Variants in EPN3 observed in about 807,000 individuals in gnomAD.
EPN3 encodes epsin 3.
Under a neutral mutation model 55.5 loss-of-function variants are expected in EPN3, and 56 were observed. The observed-to-expected ratio is 1.01, with a 90% CI of 0.81 to 1.26. EPN3 has a LOEUF of 1.26. EPN3 is among the 50% of genes most tolerant of loss of function. The probability of loss-of-function intolerance (pLI) is 0.00; values close to 1 mark genes in which losing one functional copy is unlikely to be tolerated. For synonymous variants in EPN3, 449 were observed against 375.2 expected, an observed-to-expected ratio of 1.20 and a Z score of -2.27; for missense variants, 927 against 853.4, an observed-to-expected ratio of 1.09 and a Z score of -1.07.
In EPN3 at chr17:50,540,238, C is replaced by T. The variant is rs371813154; in HGVS notation, c.892-9C>T. Reference sequence around the variant, plus strand: ...ACTTCTGAGCCGCGGCTGCCTCTCCCCTCCACAGTCCTCCATCCTGGACTT... The same window carrying T: ...ACTTCTGAGCCGCGGCTGCCTCTCCTCTCCACAGTCCTCCATCCTGGACTT... On this transcript the variant is annotated splice_polypyrimidine_tract_variant and intron_variant, in intron 5 of 9. Coordinates refer to ENST00000268933, the MANE Select transcript of EPN3 (RefSeq NM_017957.3). The T allele has an allele frequency of 1.9e-6, 3 of 1,611,164 alleles. No individual in the cohort carries two copies. The African/African-American group carries it at 4.0e-5, about 22-fold the overall frequency.
chr17:50,540,478 G>A (rs1170038969), intron 6 of EPN3, 144 bp downstream of exon 6: 2 of 769,012 alleles, frequency 2.6e-6, no homozygotes, highest in Non-Finnish European at 4.1e-6. Context: ...GCCGCCTGTG[G>A]GACAGGCTTT....
Position 50,541,859 on chromosome 17 carries a change from C to A in EPN3, c.1601C>A (p.Ser534Tyr), listed in dbSNP as rs1438606722. 4 of 1,609,520 alleles carry A rather than the reference C, an allele frequency of 2.5e-6. No homozygotes were observed. In the African/African-American group the frequency reaches 5.3e-5, roughly 21 times the overall value. ...NPFLTGLSAPSPTNPFGAGEP... is the reference protein window; with the variant it reads ...NPFLTGLSAPYPTNPFGAGEP... ...CGTTCTGCAGGTCTCAGCGCTCCGT[C>A]CCCCACCAACCCGTTCGGCGCGGGC... The change falls in exon 10 of 10, where the codon TCC (serine) becomes TAC (tyrosine). Residue 534 changes from serine (S) to tyrosine (Y), a missense_variant. Transcript: ENST00000268933.
Position 50,541,300 on chromosome 17 carries a change from G to A in EPN3, c.1321G>A (p.Ala441Thr). 3 of 1,613,102 alleles carry A rather than the reference G, an allele frequency of 1.9e-6. No individual in the cohort carries two copies. Among genetic ancestry groups the A allele is most frequent in the Non-Finnish European group, 2.5e-6 (3 of 1,180,010 alleles). ...STETKEGLEQ[A>T]LPSGKPSSPV... ...AGAGACCAAGGAGGGGCTGGAGCAG[G>A]CCCTGCCCTCTGGGAAGCCCAGCAG... Residue 441 changes from alanine to threonine, a missense_variant, in exon 8 of 10, where the codon GCC (alanine) becomes ACC (threonine). By Grantham distance (58) the Ala-to-Thr change is moderately conservative. Coordinates refer to ENST00000268933, the MANE Select transcript of EPN3 (RefSeq NM_017957.3).
chr17:50,532,813 C>T lies in EPN3; in HGVS notation c.-309C>T, dbSNP rs913911289. On this transcript the variant is annotated 5_prime_UTR_variant, in exon 1 of 10. Transcript: ENST00000268933. The stretch of plus-strand genomic sequence containing the variant: ...CCCATTCCAGGGACCCTGCCGCTGC[C>T]CCTCTGAGGGGTCTGCACCTCCTGG... 6 of 1,115,818 alleles carry T rather than the reference C, an allele frequency of 5.4e-6. No homozygotes were observed. The highest frequency in any genetic ancestry group is 7.1e-6 in the Non-Finnish European group (6 of 850,920). The allele number at this position is 1,115,818 out of a possible 1,614,324, so 69.1% of individuals were successfully genotyped here. A position where few individuals can be genotyped will look rare whatever the true frequency, so the allele number is the denominator to read the frequency against.
Position 50,537,363 on chromosome 17 carries a change from G to C in EPN3, c.562+245G>C. On this transcript the variant is annotated intron_variant, in intron 2 of 9. Coordinates refer to ENST00000268933, the MANE Select transcript of EPN3 (RefSeq NM_017957.3). Reference sequence around the variant, plus strand: ...AGCTGCCTGATAGGATGGCGCGATAGTGGAAGCATGGGTTTGGAGTCAGAT... The same window carrying C: ...AGCTGCCTGATAGGATGGCGCGATACTGGAAGCATGGGTTTGGAGTCAGAT... The C allele has an allele frequency of 5.4e-6, 3 of 556,196 alleles. No homozygotes were observed. In the South Asian group the frequency reaches 6.7e-5, roughly 12 times the overall value. 34.5% of individuals were successfully genotyped at this position (556,196 alleles called of 1,614,324 possible).
intron 2 of EPN3, chr17:50,537,837 G>T: frequency 2.1e-6 from 1 of 477,318 alleles, no homozygotes; most frequent in African/African-American, 2.0e-5. Context: ...TCAGGAACCT[G>T]GTCAGGGGCC....
At chr17:50,538,786 T>G in intron 3 of EPN3, 98 bp from the exon 4 acceptor site, 7 of 875,516 alleles carry the variant, frequency 8.0e-6, no homozygotes, top group Non-Finnish European at 1.2e-5. Context: ...AGGGTGGGCA[T>G]TAGTGTCTCC....
In EPN3 at chr17:50,539,430, G is replaced by A. The variant is rs534345813; in HGVS notation, c.891+115G>A. ...ATAGTAAGCACTGATGTGTTTATTC[G>A]ATGAAATAGGGGTGGGGGTGTAGCA... On this transcript the variant is annotated intron_variant, in intron 5 of 9. Coordinates refer to ENST00000268933, the MANE Select transcript of EPN3 (RefSeq NM_017957.3). 7.1e-5 allele frequency: 103 copies of A among 1,455,634 alleles called. No homozygotes were observed. The African/African-American group carries it at 1.2e-3, about 17-fold the overall frequency. The allele number at this position is 1,455,634 out of a possible 1,614,324, so 90.2% of individuals were successfully genotyped here. A position where few individuals can be genotyped will look rare whatever the true frequency, so the allele number is the denominator to read the frequency against.
In EPN3 at chr17:50,540,208, C is replaced by T. The variant is rs574529649; in HGVS notation, c.892-39C>T. The T allele has an allele frequency of 2.3e-5, 36 of 1,570,974 alleles. No homozygotes were observed. In the East Asian group the frequency reaches 4.0e-4, roughly 18 times the overall value. ...CAGGGCCTGCCCTCCCTCCAGGCCCCGCCCACTTCTGAGCCGCGGCTGCCT... is the reference window on the plus strand; with the variant it reads ...CAGGGCCTGCCCTCCCTCCAGGCCCTGCCCACTTCTGAGCCGCGGCTGCCT... On this transcript the variant is annotated intron_variant, in intron 5 of 9. Coordinates refer to ENST00000268933, the MANE Select transcript of EPN3 (RefSeq NM_017957.3).
At chr17:50,541,150 G>T in intron 7 of EPN3, 79 bp from the exon 8 acceptor site, 1 of 1,601,650 alleles carries the variant, frequency 6.2e-7, no homozygotes, top group Non-Finnish European at 8.5e-7. Flanking sequence ...GTGTTAGGAG[G>T]ACAGCTTCTC....
At position 50,536,858 on chromosome 17, in the gene EPN3, A is replaced by G; in HGVS notation, c.302A>G (p.Tyr101Cys). 1 of 1,614,122 alleles carries G rather than the reference A, an allele frequency of 6.2e-7. No individual in the cohort carries two copies. The highest frequency in any genetic ancestry group is 8.5e-7 in the Non-Finnish European group (1 of 1,180,034). ...GCCCACCAGTGCCGCGAGAACCTCT[A>G]CACCATCCAGACACTCAAGGACTTC... is the stretch of plus-strand genomic sequence containing the variant. ...RVAHQCRENLYTIQTLKDFQY... is the reference protein window; with the variant it reads ...RVAHQCRENLCTIQTLKDFQY... Residue 101 changes from tyrosine to cysteine, a missense_variant, in exon 2 of 10, where the codon TAC becomes TGC. Physicochemically the swap from Tyr to Cys is radical, Grantham distance 194. Coordinates refer to ENST00000268933, the MANE Select transcript of EPN3 (RefSeq NM_017957.3).
intron 1 of EPN3, among the ~76,000 whole-genome samples, chr17:50,535,240 G>A (rs898038749): frequency 2.6e-5 from 4 of 152,346 alleles, no homozygotes; most frequent in African/African-American, 9.6e-5. Context: ...AGCTGAGAAG[G>A]TGGGACTGAG....
rs1431746273 is a variant in EPN3 at position 50,542,592 on chromosome 17, C to T, written c.*435C>T. The T allele has an allele frequency of 1.1e-5, 2 of 187,180 alleles. No individual in the cohort carries two copies. Among genetic ancestry groups the T allele is most frequent in the African/African-American group, 4.8e-5 (2 of 41,946 alleles). The allele number at this position is 187,180 out of a possible 1,614,324, so 11.6% of individuals were successfully genotyped here. On this transcript the variant is annotated 3_prime_UTR_variant, in exon 10 of 10. Transcript: ENST00000268933. Reference sequence around the variant, plus strand: ...CAATTCGGTCATTTCATTCATTTATCACACATGGGCACTGGGGTTGGGCTA... The same window carrying T: ...CAATTCGGTCATTTCATTCATTTATTACACATGGGCACTGGGGTTGGGCTA...
At chr17:50,534,930 T>C (rs935144011) in intron 1 of EPN3, among the ~76,000 whole-genome samples, 4 of 152,158 alleles carry the variant, frequency 2.6e-5, no homozygotes, top group African/African-American at 4.8e-5. Flanking sequence ...GGGGGACAGT[T>C]CACGGGTGAA....
At chr17:50,536,348 TTTA>T (rs2034760098) in intron 1 of EPN3, 70 bp from the exon 2 acceptor site, 2 of 1,251,414 alleles carry the variant, frequency 1.6e-6, no homozygotes, top group African/African-American at 3.0e-5. Flanking sequence ...CCAGGCCTCA[TTTA>T]GTTGGTCAGT....
In EPN3 at chr17:50,540,912, C is replaced by T. The variant is rs779132999; in HGVS notation, c.1099C>T (p.Leu367Phe). The change falls in exon 7 of 10, where the codon CTC becomes TTC. Residue 367 changes from leucine (L) to phenylalanine (F), a missense_variant. Coordinates refer to ENST00000268933, the MANE Select transcript of EPN3 (RefSeq NM_017957.3). ...RSQPWDLTPM[L>F]SSSEPWGRTP... The stretch of plus-strand genomic sequence containing the variant: ...CCAGCCCTGGGATCTGACTCCCATG[C>T]TCTCCTCCTCTGAGCCCTGGGGCAG... 8 of 1,614,048 alleles carry T rather than the reference C, an allele frequency of 5.0e-6. No individual in the cohort carries two copies. The highest frequency in any genetic ancestry group is 3.3e-5 in the Admixed American group (2 of 60,010).
rs150563681 is a variant in EPN3, at chr17:50,541,409, C to T, written c.1355-55C>T. 2,578 of 1,607,582 alleles carry T rather than the reference C, an allele frequency of 1.6e-3. 26 individuals carry two copies. The African/African-American group carries it at 0.029, about 18-fold the overall frequency. On this transcript the variant is annotated intron_variant, in intron 8 of 9. Transcript: ENST00000268933. ...CGAGCAGCCTCTGTCCTCTTCCTCC[C>T]ACGTCGGGCGCCAATCCCTTTCCCC... is the stretch of plus-strand genomic sequence containing the variant.
chr17:50,539,235 G>A lies in EPN3; in HGVS notation c.811G>A (p.Gly271Arg). 1 of 1,614,202 alleles carries A rather than the reference G, an allele frequency of 6.2e-7. No individual in the cohort carries two copies. Among genetic ancestry groups the A allele is most frequent in the South Asian group, 1.1e-5 (1 of 91,088 alleles). Residue 271 changes from glycine (G) to arginine (R), a missense_variant, in exon 5 of 10, where the codon GGG (glycine) becomes AGG (arginine). By Grantham distance (125) the Gly-to-Arg change is moderately radical. Transcript: ENST00000268933. ...TGGCTCCCCCATGGCCAATGGTGCAGGGGCCGTGGTCCACCATCAGCGGGA... is the reference window on the plus strand; with the variant it reads ...TGGCTCCCCCATGGCCAATGGTGCAAGGGCCGTGGTCCACCATCAGCGGGA... ...GDGSPMANGA[G>R]AVVHHQRDRE...
intron 1 of EPN3, among the ~76,000 whole-genome samples, chr17:50,534,034 C>T (rs1230496400): frequency 2.0e-5 from 3 of 152,244 alleles, no homozygotes. Flanking sequence ...GGCAGCGCTC[C>T]CAGCTGCTCC....
Sources: gnomAD v4.1 joint callset for allele counts (sites outside exome capture counted in the v4.1 genomes callset) on GRCh38, gnomAD v4.1.1 for gene constraint, MANE v1.5 for transcripts, NCBI Gene and HGNC (gene_info 2026-07-23, HGNC 2026-07-21) for gene names.